Variants in LRRC7 observed in about 807,000 individuals in gnomAD.
The protein encoded by LRRC7 is leucine rich repeat containing 7.
Under a neutral mutation model 175.7 loss-of-function variants are expected in LRRC7, and 23 were observed. That is an observed-to-expected ratio of 0.13 (90% CI 0.09 to 0.19). LRRC7 has a LOEUF of 0.19. Among genes scored for constraint, LRRC7 ranks in the 10% least tolerant of loss-of-function variants. The pLI is 1.00. For missense variants in LRRC7, 1,354 were observed against 1,904.7 expected, an observed-to-expected ratio of 0.71 and a Z score of 5.38; for synonymous variants, 685 against 680.9, an observed-to-expected ratio of 1.01 and a Z score of -0.09.
intron 7 of LRRC7, among the ~76,000 whole-genome samples, chr1:69,924,902 T>G (rs1352153087): frequency 6.6e-6 from 1 of 152,170 alleles, no homozygotes; most frequent in East Asian, 1.9e-4. Flanking sequence ...ATGCTTCCAG[T>G]TTTTGCCCAT....
chr1:69,716,088 T>C (rs1192979223), intron 2 of LRRC7: 1 of 409,542 alleles, frequency 2.4e-6, no homozygotes, highest in Non-Finnish European at 4.5e-6. Flanking sequence ...GATGCATTTG[T>C]CAATTTATAA....
chr1:69,725,685 A>G (rs902308429), intron 2 of LRRC7, among the ~76,000 whole-genome samples: 2 of 152,194 alleles, frequency 1.3e-5, no homozygotes, highest in Admixed American at 6.5e-5. Context: ...AATAGTCAAC[A>G]CAGGAAAGAG....
chr1:69,715,170 C>T (rs1665206323), intron 2 of LRRC7, among the ~76,000 whole-genome samples: 3 of 152,032 alleles, frequency 2.0e-5, no homozygotes, highest in African/African-American at 7.2e-5. Flanking sequence ...AACCATTGCA[C>T]TAAGTAATAA....
intron 2 of LRRC7, among the ~76,000 whole-genome samples, chr1:69,687,005 T>TA (rs1557600020): frequency 2.6e-5 from 4 of 152,276 alleles, no homozygotes; most frequent in African/African-American, 9.6e-5. Context: ...TTACAAGGGA[T>TA]AAAAAAGGTC....
chr1:69,637,722 A>C (rs1653615376), intron 1 of LRRC7, among the ~76,000 whole-genome samples: 1 of 151,946 alleles, frequency 6.6e-6, no homozygotes. Flanking sequence ...TATGTAATCC[A>C]TCTCCCTGTA....
chr1:70,074,541 G>A (rs1662634485), intron 23 of LRRC7, among the ~76,000 whole-genome samples: 1 of 152,214 alleles, frequency 6.6e-6, no homozygotes, highest in South Asian at 2.1e-4. Context: ...ATATGCGTTG[G>A]ACAGAGTTGG....
At chr1:69,896,286 TTTGTC>T (rs1200656366) in intron 7 of LRRC7, among the ~76,000 whole-genome samples, 1 of 152,174 alleles carries the variant, frequency 6.6e-6, no homozygotes, top group Admixed American at 6.5e-5. Context: ...ATATTTTTCT[TTTGTC>T]TATGCTGGAA....
At chr1:69,706,520 G>A (rs1385348673) in intron 2 of LRRC7, among the ~76,000 whole-genome samples, 1 of 152,092 alleles carries the variant, frequency 6.6e-6, no homozygotes, top group Admixed American at 6.6e-5. Flanking sequence ...TCAACAACCT[G>A]CAAGTCATTT....
At chr1:69,793,928 A>G (rs2101067312) in intron 4 of LRRC7, among the ~76,000 whole-genome samples, 1 of 151,968 alleles carries the variant, frequency 6.6e-6, no homozygotes, top group South Asian at 2.1e-4. Flanking sequence ...AGAGTAATTG[A>G]GAAGTTAATA....
chr1:69,598,413 T>C (rs546941848), intron 1 of LRRC7, among the ~76,000 whole-genome samples: 23 of 152,142 alleles, frequency 1.5e-4, no homozygotes, highest in Non-Finnish European at 2.8e-4. Flanking sequence ...AGATTTATTT[T>C]AAGAAATTGG....
rs76019173 is a variant in LRRC7, at chr1:69,629,136, A to G, written c.3-49245A>G. The stretch of plus-strand genomic sequence containing the variant: ...TTGATAAGATTTCATTAAAATTTGA[A>G]ATTTCTGTTCTCTGAGAGAAACTGT... On this transcript the variant is annotated intron_variant, in intron 1 of 26. Transcript: ENST00000651989. Among the ~76,000 whole-genome samples, 259 of 152,224 alleles carry G rather than the reference A, an allele frequency of 1.7e-3. 1 individual carries two copies. Among genetic ancestry groups the G allele is most frequent in the Non-Finnish European group, 1.8e-3 (121 of 67,992 alleles).
chr1:69,756,323 GA>G (rs1212782109), intron 2 of LRRC7, among the ~76,000 whole-genome samples: 2 of 151,560 alleles, frequency 1.3e-5, no homozygotes, highest in East Asian at 3.9e-4. Flanking sequence ...GGAAATCACA[GA>G]AAAATGATTT....
intron 1 of LRRC7, chr1:69,608,068 G>A (rs1353721281): frequency 6.5e-6 from 1 of 152,714 alleles, no homozygotes; most frequent in African/African-American, 2.4e-5. Flanking sequence ...CTTTTCTCAT[G>A]TTGGATGATA....
At chr1:69,907,415 A>G (rs1455747297) in intron 7 of LRRC7, among the ~76,000 whole-genome samples, 2 of 152,098 alleles carry the variant, frequency 1.3e-5, no homozygotes. Flanking sequence ...GATAGCTCTT[A>G]TTATTTTGAG....
At chr1:69,617,198 G>A (rs1415662908) in intron 1 of LRRC7, among the ~76,000 whole-genome samples, 3 of 152,064 alleles carry the variant, frequency 2.0e-5, no homozygotes, top group Non-Finnish European at 2.9e-5. Flanking sequence ...TTGAATGGCT[G>A]TGCAAATTAT....
intron 20 of LRRC7, among the ~76,000 whole-genome samples, chr1:70,036,971 TA>T (rs1406231936): frequency 1.3e-5 from 2 of 152,206 alleles, no homozygotes; most frequent in African/African-American, 4.8e-5. Context: ...AAAATGCCAG[TA>T]AAACACTTAG....
chr1:70,092,457 A>G (rs1257922230), intron 25 of LRRC7, among the ~76,000 whole-genome samples: 1 of 152,172 alleles, frequency 6.6e-6, no homozygotes, highest in Non-Finnish European at 1.5e-5. Context: ...TGGATGTTTG[A>G]ATGTTTTGCT....
At chr1:69,644,104 T>A (rs961998680) in intron 1 of LRRC7, among the ~76,000 whole-genome samples, 1 of 152,136 alleles carries the variant, frequency 6.6e-6, no homozygotes, top group African/African-American at 2.4e-5. Flanking sequence ...ATATATTCTA[T>A]GTCCATGTGA....
intron 25 of LRRC7, among the ~76,000 whole-genome samples, chr1:70,104,313 T>C (rs538602926): frequency 1.3e-5 from 2 of 152,342 alleles, no homozygotes; most frequent in South Asian, 2.1e-4. Context: ...TTCTCATCAA[T>C]GTTCATCATA....
Sources: allele counts gnomAD v4.1 joint callset (sites outside exome capture counted in the v4.1 genomes callset), GRCh38; gene constraint gnomAD v4.1.1; transcripts MANE v1.5; gene names NCBI Gene and HGNC (gene_info 2026-07-23, HGNC 2026-07-21).